The following GREM2 variants were observed in gnomAD, a reference collection of about 807,000 sequenced individuals.
GREM2 encodes the protein gremlin 2, DAN family BMP antagonist.
In GREM2, 11 loss-of-function variants were observed where a neutral mutation model predicts 14.2. The ratio of observed to expected loss-of-function variants is 0.78; its 90% CI spans 0.49 to 1.28. GREM2 has a LOEUF of 1.28. Ranked by LOEUF, GREM2 falls within the 50% of genes most tolerant of loss-of-function variation. The pLI, the probability that GREM2 is intolerant of heterozygous loss-of-function variation, is 0.00. For missense variants in GREM2, 210 were observed against 218.5 expected, an observed-to-expected ratio of 0.96 and a Z score of 0.24; for synonymous variants, 98 against 97.6, an observed-to-expected ratio of 1.00 and a Z score of -0.02.
At chr1:240,500,377 C>G (rs1677543104) in intron 1 of GREM2, among the ~76,000 whole-genome samples, 1 of 151,902 alleles carries the variant, frequency 6.6e-6, no homozygotes, top group Non-Finnish European at 1.5e-5. Context: ...TGGCTCACTG[C>G]AAGCTCCGCC....
intron 1 of GREM2, among the ~76,000 whole-genome samples, chr1:240,511,517 G>A (rs770175009): frequency 5.9e-5 from 9 of 152,294 alleles, no homozygotes; most frequent in East Asian, 5.8e-4. Context: ...TTGGGAAGCC[G>A]AGGCGGGCGG....
At chr1:240,595,781 G>T (rs1442774122) in intron 1 of GREM2, among the ~76,000 whole-genome samples, 1 of 152,138 alleles carries the variant, frequency 6.6e-6, no homozygotes, top group Non-Finnish European at 1.5e-5. Context: ...TACCTGGCTT[G>T]TCTTGAGAAT....
At chr1:240,589,986 G>GAGGGGT (rs1234619472) in intron 1 of GREM2, among the ~76,000 whole-genome samples, 1 of 152,158 alleles carries the variant, frequency 6.6e-6, no homozygotes, top group Non-Finnish European at 1.5e-5. Flanking sequence ...TGTTCAAGTG[G>GAGGGGT]AGGGGTGGTT....
At chr1:240,569,069 C>T (rs935345120) in intron 1 of GREM2, among the ~76,000 whole-genome samples, 1 of 151,762 alleles carries the variant, frequency 6.6e-6, no homozygotes, top group Non-Finnish European at 1.5e-5. Flanking sequence ...AAAACAAAAA[C>T]AAACAAACAA....
chr1:240,489,870 G>A lies in GREM2; in HGVS notation c.*3099C>T, dbSNP rs530769655. 1 of 152,162 alleles carries A rather than the reference G, an allele frequency of 6.6e-6. No homozygotes were observed. The highest frequency in any genetic ancestry group is 1.5e-5 in the Non-Finnish European group (1 of 68,030). 9.4% of individuals were successfully genotyped at this position (152,162 alleles called of 1,614,324 possible). On this transcript the variant is annotated 3_prime_UTR_variant, in exon 2 of 2. Transcript: ENST00000318160. ...GAATACGTTAGCAGTGAAATATTCT[G>A]TCCCATTTAATAAACTAAGATGAAT...
chr1:240,542,475 T>C lies in GREM2; in HGVS notation c.-1-48999A>G, dbSNP rs1359289145. 2.1e-5 allele frequency among the ~76,000 whole-genome samples: 3 copies of C among 141,970 alleles called. No individual in the cohort carries two copies. The highest frequency in any genetic ancestry group is 2.3e-4 in the South Asian group (1 of 4,406). 93.1% of individuals were successfully genotyped at this position (141,970 alleles called of 152,430 possible). ...AAAAAAAAAAAAAAAATTAGCTGGG[T>C]GTGGTGGTGCGCACCTGTAGTCCCA... On this transcript the variant is annotated intron_variant, in intron 1 of 1. Coordinates refer to ENST00000318160, the MANE Select transcript of GREM2 (RefSeq NM_022469.4). This position sits in a 1 kb window ranked among gnomAD's most constrained non-coding sequence, Gnocchi z 4.1.
chr1:240,597,909 T>C (rs1679851694), intron 1 of GREM2, among the ~76,000 whole-genome samples: 1 of 152,102 alleles, frequency 6.6e-6, no homozygotes, highest in Non-Finnish European at 1.5e-5. Context: ...AGATGGAAAA[T>C]ATATTTTCCC....
At chr1:240,575,589 T>C (rs1394082892) in intron 1 of GREM2, among the ~76,000 whole-genome samples, 1 of 151,974 alleles carries the variant, frequency 6.6e-6, no homozygotes, top group East Asian at 1.9e-4. Flanking sequence ...GGCACGATCT[T>C]GGCTCACTGC....
In GREM2 at chr1:240,520,958, C is replaced by T. The variant is rs567615209; in HGVS notation, c.-1-27482G>A. ...TTTAGTTTTTGTTTGTTTGTTTTTG[C>T]TAAATTTAGCTTAGAACCAACAATC... On this transcript the variant is annotated intron_variant, in intron 1 of 1. Transcript: ENST00000318160. Among the ~76,000 whole-genome samples, 7 of 147,032 alleles carry T rather than the reference C, an allele frequency of 4.8e-5. No homozygotes were observed. In the East Asian group the frequency reaches 1.4e-3, roughly 29 times the overall value.
intron 1 of GREM2, among the ~76,000 whole-genome samples, chr1:240,574,553 G>A (rs1259601884): frequency 1.3e-5 from 2 of 152,138 alleles, no homozygotes; most frequent in South Asian, 2.1e-4. Context: ...AAAAGAAGAG[G>A]AATATCAGGC....
At chr1:240,562,850 ATGTG>A (rs991704028) in intron 1 of GREM2, among the ~76,000 whole-genome samples, 2 of 143,722 alleles carry the variant, frequency 1.4e-5, no homozygotes, top group African/African-American at 2.8e-5. Flanking sequence ...ATGAGTGTGT[ATGTG>A]TGTATGTGTA....
At chr1:240,528,598 T>G (rs1269381059) in intron 1 of GREM2, among the ~76,000 whole-genome samples, 1 of 152,216 alleles carries the variant, frequency 6.6e-6, no homozygotes, top group African/African-American at 2.4e-5. Flanking sequence ...AATCGAATTA[T>G]GTAATTACCT....
At chr1:240,564,201 C>G (rs1330468057) in intron 1 of GREM2, among the ~76,000 whole-genome samples, 1 of 152,012 alleles carries the variant, frequency 6.6e-6, no homozygotes, top group Non-Finnish European at 1.5e-5. Flanking sequence ...TAGTGAAACC[C>G]TGTCTCAAAA....
intron 1 of GREM2, chr1:240,590,778 T>A (rs1679695297): frequency 6.6e-6 from 1 of 151,090 alleles, no homozygotes; most frequent in Admixed American, 6.6e-5. Flanking sequence ...TGACCTTTTT[T>A]TTTTTCTTTT....
At chr1:240,514,008 G>A (rs898144450) in intron 1 of GREM2, among the ~76,000 whole-genome samples, 3 of 151,996 alleles carry the variant, frequency 2.0e-5, no homozygotes, top group Non-Finnish European at 2.9e-5. Flanking sequence ...CACTTTGGGC[G>A]GCTGAGGCGG....
chr1:240,546,883 A>AG (rs397800662), intron 1 of GREM2, among the ~76,000 whole-genome samples: 1 of 152,124 alleles, frequency 6.6e-6, no homozygotes, highest in Non-Finnish European at 1.5e-5. Context: ...TAAAAAAAAA[A>AG]GAATGTTTGC....
At chr1:240,500,444 A>G (rs1435033688) in intron 1 of GREM2, among the ~76,000 whole-genome samples, 2 of 151,496 alleles carry the variant, frequency 1.3e-5, no homozygotes, top group South Asian at 2.1e-4. Context: ...GACTACAGGC[A>G]CCCACCACCA....
At chr1:240,608,614 A>G (rs147205112) in intron 1 of GREM2, among the ~76,000 whole-genome samples, 65 of 152,354 alleles carry the variant, frequency 4.3e-4, no homozygotes, top group African/African-American at 1.5e-3. Flanking sequence ...TTAGCATTTC[A>G]TAGGAGCTGG....
chr1:240,594,144 G>T (rs1338725636), intron 1 of GREM2, among the ~76,000 whole-genome samples: 1 of 151,878 alleles, frequency 6.6e-6, no homozygotes, highest in Non-Finnish European at 1.5e-5. Context: ...TGTAGAGATC[G>T]GGTCTTGCCA....
Sources: gnomAD v4.1 joint callset for allele counts (sites outside exome capture counted in the v4.1 genomes callset) on GRCh38, gnomAD v4.1.1 for gene constraint, Gnocchi (gnomAD v3.1) non-coding constraint, MANE v1.5 for transcripts, NCBI Gene and HGNC (gene_info 2026-07-23, HGNC 2026-07-21) for gene names.